The following MAPK4 variants were observed in gnomAD, a reference collection of about 807,000 sequenced individuals.
MAPK4 encodes mitogen-activated protein kinase 4, also known as Erk3-related.
MAPK4 carries 22 observed loss-of-function variants against 47.7 expected under a neutral mutation model. The ratio of observed to expected loss-of-function variants is 0.46; its 90% CI spans 0.33 to 0.66. MAPK4 has a LOEUF of 0.66. MAPK4 is among the 30% of genes least tolerant of loss of function. The pLI, the probability that MAPK4 is intolerant of heterozygous loss-of-function variation, is 0.02. For synonymous variants in MAPK4, 390 were observed against 365.7 expected (o/e 1.07, Z -0.76); for missense variants, 736 against 831.7 (o/e 0.88, Z 1.42).
chr18:50,722,010 A>G lies in MAPK4; in HGVS notation c.764A>G (p.Glu255Gly), dbSNP rs1910960768. 1.2e-6 allele frequency: 2 copies of G among 1,613,980 alleles called. No homozygotes were observed. Among genetic ancestry groups the G allele is most frequent in the African/African-American group, 2.7e-5 (2 of 74,944 alleles). ...IPVIREEDKD[E>G]LLRVMPSFVS... Reference sequence around the variant, plus strand: ...GTAATCCGGGAGGAAGACAAGGACGAGCTGCTCAGGGTGATGCCTTCCTTT... The same window carrying G: ...GTAATCCGGGAGGAAGACAAGGACGGGCTGCTCAGGGTGATGCCTTCCTTT... Residue 255 changes from glutamate to glycine, a missense_variant, in exon 4 of 6, where the codon GAG becomes GGG. Glu to Gly is a moderately conservative substitution (Grantham distance 98, BLOSUM62 -2). Transcript: ENST00000400384.
At chr18:50,698,889 G>A (rs1346414216) in intron 2 of MAPK4, among the ~76,000 whole-genome samples, 1 of 152,122 alleles carries the variant, frequency 6.6e-6, no homozygotes, top group East Asian at 1.9e-4. Context: ...GCTAGGTATA[G>A]TGGTGCACAC....
chr18:50,725,625 C>A (rs1029521503), intron 4 of MAPK4, among the ~76,000 whole-genome samples: 7 of 152,218 alleles, frequency 4.6e-5, no homozygotes, highest in African/African-American at 4.8e-5. Context: ...CACTCCCCCA[C>A]CTGTGCTTGC....
At chr18:50,565,156 CTTAAA>C (rs2042188029) in intron 1 of MAPK4, among the ~76,000 whole-genome samples, 1 of 152,204 alleles carries the variant, frequency 6.6e-6, no homozygotes, top group Admixed American at 6.5e-5. Flanking sequence ...AAAGTATTGA[CTTAAA>C]TTGAGAGCAC....
chr18:50,692,116 C>T (rs1909251098), intron 2 of MAPK4, among the ~76,000 whole-genome samples: 1 of 152,172 alleles, frequency 6.6e-6, no homozygotes, highest in Non-Finnish European at 1.5e-5. Flanking sequence ...GAGGTTGAAT[C>T]CCTTTCCAGG....
chr18:50,605,545 G>A (rs964980124), intron 1 of MAPK4, among the ~76,000 whole-genome samples: 1 of 152,184 alleles, frequency 6.6e-6, no homozygotes, highest in Non-Finnish European at 1.5e-5. Context: ...TATGGCCAGC[G>A]TGTTTGTCCT....
At chr18:50,608,862 C>T (rs1331196908) in intron 1 of MAPK4, among the ~76,000 whole-genome samples, 1 of 152,024 alleles carries the variant, frequency 6.6e-6, no homozygotes, top group Non-Finnish European at 1.5e-5. Context: ...GGGCAGGGGA[C>T]CCTGTGGCCT....
At chr18:50,704,951 C>G (rs1054509241) in intron 2 of MAPK4, 1 of 394,736 alleles carries the variant, frequency 2.5e-6, no homozygotes. Context: ...TTCTTTCTTT[C>G]TTTTTGAGGG....
chr18:50,627,238 T>C (rs2042786931), intron 1 of MAPK4, among the ~76,000 whole-genome samples: 1 of 152,140 alleles, frequency 6.6e-6, no homozygotes, highest in African/African-American at 2.4e-5. Context: ...ACATCGAGCC[T>C]CATGGTGGAC....
At chr18:50,583,914 G>A (rs2042367617) in intron 1 of MAPK4, among the ~76,000 whole-genome samples, 1 of 152,168 alleles carries the variant, frequency 6.6e-6, no homozygotes, top group Admixed American at 6.5e-5. Flanking sequence ...CTGTACTAGA[G>A]GACTTCTCAA....
chr18:50,707,863 T>A (rs1910142762), intron 2 of MAPK4, among the ~76,000 whole-genome samples: 1 of 152,162 alleles, frequency 6.6e-6, no homozygotes, highest in Non-Finnish European at 1.5e-5. Context: ...AGATGGTGAA[T>A]TTCAGGATCT....
chr18:50,616,771 A>G (rs528176784), intron 1 of MAPK4, among the ~76,000 whole-genome samples: 1 of 152,304 alleles, frequency 6.6e-6, no homozygotes, highest in African/African-American at 2.4e-5. Context: ...AGACCAGAAC[A>G]CTCAGCAAGT....
At chr18:50,574,443 T>A (rs2042277622) in intron 1 of MAPK4, among the ~76,000 whole-genome samples, 1 of 152,242 alleles carries the variant, frequency 6.6e-6, no homozygotes, top group African/African-American at 2.4e-5. Flanking sequence ...ATTTATTCTC[T>A]TGTTTTACAA....
intron 1 of MAPK4, among the ~76,000 whole-genome samples, chr18:50,587,305 C>G (rs1324874642): frequency 6.6e-6 from 1 of 152,210 alleles, no homozygotes; most frequent in East Asian, 1.9e-4. Flanking sequence ...TGAGAGGACA[C>G]AGCTAGAACA....
intron 2 of MAPK4, among the ~76,000 whole-genome samples, chr18:50,692,051 G>A (rs979880016): frequency 1.3e-5 from 2 of 152,150 alleles, no homozygotes; most frequent in Non-Finnish European, 2.9e-5. Flanking sequence ...TGTAACTCAG[G>A]GTCACATAGC....
At chr18:50,696,458 G>A (rs1204064191) in intron 2 of MAPK4, among the ~76,000 whole-genome samples, 1 of 152,202 alleles carries the variant, frequency 6.6e-6, no homozygotes, top group Admixed American at 6.5e-5. Flanking sequence ...ATTTTGAGGT[G>A]GGCGGCATCT....
chr18:50,579,484 T>G (rs2042324932), intron 1 of MAPK4, among the ~76,000 whole-genome samples: 1 of 152,198 alleles, frequency 6.6e-6, no homozygotes, highest in Non-Finnish European at 1.5e-5. Flanking sequence ...TGTGTGGAAG[T>G]GGAGTGGGAC....
intron 1 of MAPK4, among the ~76,000 whole-genome samples, chr18:50,658,002 G>A (rs796903481): frequency 2.0e-5 from 3 of 152,114 alleles, no homozygotes; most frequent in East Asian, 1.9e-4. Context: ...CAGCCAGCTC[G>A]TCCCAAGGAT....
intron 2 of MAPK4, among the ~76,000 whole-genome samples, chr18:50,676,633 G>C (rs938915764): frequency 1.3e-5 from 2 of 152,168 alleles, no homozygotes; most frequent in Non-Finnish European, 2.9e-5. Context: ...ACAGATGTTA[G>C]GAAACATCAC....
At chr18:50,693,663 G>C (rs1013165057) in intron 2 of MAPK4, among the ~76,000 whole-genome samples, 1 of 152,164 alleles carries the variant, frequency 6.6e-6, no homozygotes, top group African/African-American at 2.4e-5. Context: ...GTAGCCTCTG[G>C]GTGGAGTGGT....
Sources: allele counts gnomAD v4.1 joint callset (sites outside exome capture counted in the v4.1 genomes callset), GRCh38; gene constraint gnomAD v4.1.1; transcripts MANE v1.5; gene names NCBI Gene and HGNC (gene_info 2026-07-23, HGNC 2026-07-21).